Variants in LURAP1L observed in about 807,000 individuals in gnomAD.
LURAP1L encodes leucine rich adaptor protein 1 like, also known as leucine rich adaptor protein 1-like.
In LURAP1L, 12 loss-of-function variants were observed where a neutral mutation model predicts 13.8. The observed-to-expected ratio is 0.87, with a 90% CI of 0.56 to 1.41. LURAP1L has a LOEUF of 1.41. Ranked by LOEUF, LURAP1L falls within the 40% of genes most tolerant of loss-of-function variation. The pLI is 0.00. For synonymous variants in LURAP1L, 139 were observed against 119.2 expected (o/e 1.17, Z -1.08); for missense variants, 375 against 292.9 (o/e 1.28, Z -2.04).
chr9:12,777,010 G>A (rs2118449195), intron 1 of LURAP1L, among the ~76,000 whole-genome samples: 1 of 152,216 alleles, frequency 6.6e-6, no homozygotes, highest in East Asian at 1.9e-4. Context: ...TTGGAGATAA[G>A]GAAAGTTGCA....
chr9:12,797,993 A>T (rs1025492659), intron 1 of LURAP1L, among the ~76,000 whole-genome samples: 1 of 152,186 alleles, frequency 6.6e-6, no homozygotes, highest in Non-Finnish European at 1.5e-5. Context: ...GGTAATTTAG[A>T]TGCTAGTTCA....
intron 1 of LURAP1L, among the ~76,000 whole-genome samples, chr9:12,801,918 A>G (rs941134118): frequency 6.6e-6 from 1 of 152,160 alleles, no homozygotes; most frequent in Admixed American, 6.5e-5. Context: ...GAAAAATGGA[A>G]AGCATCCATG....
rs1407088747 is a variant in LURAP1L, at chr9:12,807,103, ATAT to A, written c.313-14282_313-14280del. On this transcript the variant is annotated intron_variant, in intron 1 of 1. Coordinates refer to ENST00000319264, the MANE Select transcript of LURAP1L (RefSeq NM_203403.2). ...GCCCTGTCTCTACTAAAATATATATATATATATATATATATTAGCCGGGCGTGG... is the reference window on the plus strand; with the variant it reads ...GCCCTGTCTCTACTAAAATATATATAATATATATATATTAGCCGGGCGTGG... 3.0e-3 allele frequency among the ~76,000 whole-genome samples: 411 copies of A among 137,168 alleles called. 7 individuals carry two copies. Among genetic ancestry groups the A allele is most frequent in the African/African-American group, 0.011 (395 of 37,320 alleles). 90.0% of individuals were successfully genotyped at this position (137,168 alleles called of 152,430 possible). A position where few individuals can be genotyped will look rare whatever the true frequency, so the allele number is the denominator to read the frequency against.
intron 1 of LURAP1L, among the ~76,000 whole-genome samples, chr9:12,795,376 G>C (rs549737548): frequency 6.6e-6 from 1 of 152,084 alleles, no homozygotes; most frequent in South Asian, 2.1e-4. Flanking sequence ...GTCAGTATTG[G>C]AGGAATACAT....
chr9:12,819,084 C>T (rs965489561), intron 1 of LURAP1L, among the ~76,000 whole-genome samples: 1 of 152,136 alleles, frequency 6.6e-6, no homozygotes, highest in Non-Finnish European at 1.5e-5. Context: ...CCTTCCTCAA[C>T]ATAAAGTCAT....
At chr9:12,818,808 T>C (rs1258447511) in intron 1 of LURAP1L, among the ~76,000 whole-genome samples, 1 of 152,100 alleles carries the variant, frequency 6.6e-6, no homozygotes, top group East Asian at 1.9e-4. Flanking sequence ...AATGCAGCCG[T>C]GATTTATTTG....
chr9:12,795,726 G>T (rs955353775), intron 1 of LURAP1L, among the ~76,000 whole-genome samples: 15 of 152,130 alleles, frequency 9.9e-5, no homozygotes, highest in East Asian at 5.8e-4. Context: ...AATGAAAGTC[G>T]TCTTGTATTT....
chr9:12,781,472 C>T (rs1285115012), intron 1 of LURAP1L, among the ~76,000 whole-genome samples: 1 of 152,152 alleles, frequency 6.6e-6, no homozygotes, highest in Non-Finnish European at 1.5e-5. Flanking sequence ...CAACTGTTTT[C>T]ATTTTTAGCT....
chr9:12,780,333 T>C lies in LURAP1L; in HGVS notation c.312+4306T>C, dbSNP rs115442725. On this transcript the variant is annotated intron_variant, in intron 1 of 1. Transcript: ENST00000319264. ...GTGGTTGAAAACACATCCATCTGAA[T>C]TGTGCTCATGTAAACTGCACTCATA... 8.5e-3 allele frequency among the ~76,000 whole-genome samples: 1,289 copies of C among 152,202 alleles called. 19 individuals are homozygous for C. The highest frequency in any genetic ancestry group is 0.029 in the African/African-American group (1,219 of 41,522).
At chr9:12,780,582 G>C (rs942463354) in intron 1 of LURAP1L, among the ~76,000 whole-genome samples, 8 of 152,166 alleles carry the variant, frequency 5.3e-5, no homozygotes, top group African/African-American at 1.4e-4. Flanking sequence ...GAACCACTGT[G>C]AGCCTGGCTA....
chr9:12,816,183 C>T (rs1030640668), intron 1 of LURAP1L, among the ~76,000 whole-genome samples: 1 of 152,136 alleles, frequency 6.6e-6, no homozygotes, highest in African/African-American at 2.4e-5. Context: ...ACATTAAATG[C>T]CTGAAATGTT....
In LURAP1L at chr9:12,776,132, G is replaced by A. The variant is rs1396663961; in HGVS notation, c.312+105G>A. The A allele has an allele frequency of 1.0e-5, 12 of 1,178,140 alleles. No individual in the cohort carries two copies. The South Asian group carries it at 1.5e-4, about 15-fold the overall frequency. 73.0% of individuals were successfully genotyped at this position (1,178,140 alleles called of 1,614,324 possible). A position where few individuals can be genotyped will look rare whatever the true frequency, so the allele number is the denominator to read the frequency against. On this transcript the variant is annotated intron_variant, in intron 1 of 1. Transcript: ENST00000319264. ...GAGAGGACGGCAGGGGCTGCAGAGC[G>A]GAGCGCTGGGCGCGTGGGAAATGCT...
At chr9:12,796,938 G>C (rs574189173) in intron 1 of LURAP1L, among the ~76,000 whole-genome samples, 2 of 151,612 alleles carry the variant, frequency 1.3e-5, no homozygotes, top group East Asian at 1.9e-4. Flanking sequence ...GGTGGGGGTG[G>C]GGGGAAGTAT....
At chr9:12,821,291 A>G (rs1174530797) in intron 1 of LURAP1L, 95 bp from the exon 2 acceptor site, 8 of 1,370,292 alleles carry the variant, frequency 5.8e-6, no homozygotes, top group Non-Finnish European at 5.9e-6. Flanking sequence ...TGTGAATTTA[A>G]AATTCTGAAC....
intron 1 of LURAP1L, among the ~76,000 whole-genome samples, chr9:12,776,731 C>G (rs1459890603): frequency 1.3e-5 from 2 of 152,114 alleles, no homozygotes; most frequent in Non-Finnish European, 2.9e-5. Flanking sequence ...CCATCTCCCA[C>G]CCTTCTCCCT....
chr9:12,777,341 C>T (rs1819201543), intron 1 of LURAP1L: 5 of 985,236 alleles, frequency 5.1e-6, no homozygotes, highest in African/African-American at 1.7e-5. Context: ...TGCCTGATAC[C>T]GTATCACAAA....
At chr9:12,792,160 G>C (rs997965949) in intron 1 of LURAP1L, among the ~76,000 whole-genome samples, 1 of 152,098 alleles carries the variant, frequency 6.6e-6, no homozygotes, top group Non-Finnish European at 1.5e-5. Context: ...ATATAAAATA[G>C]TAGCTGGGAG....
intron 1 of LURAP1L, among the ~76,000 whole-genome samples, chr9:12,815,010 G>A (rs553846222): frequency 3.2e-4 from 48 of 152,280 alleles, no homozygotes; most frequent in African/African-American, 1.2e-3. Flanking sequence ...ATAATTGTAG[G>A]CTTTTCACCT....
At chr9:12,782,333 G>A (rs1314388921) in intron 1 of LURAP1L, among the ~76,000 whole-genome samples, 1 of 152,162 alleles carries the variant, frequency 6.6e-6, no homozygotes, top group Non-Finnish European at 1.5e-5. Flanking sequence ...TCCTTGTCCA[G>A]AGCAATGTTA....
Sources: gnomAD v4.1 joint callset for allele counts (sites outside exome capture counted in the v4.1 genomes callset) on GRCh38, gnomAD v4.1.1 for gene constraint, MANE v1.5 for transcripts, NCBI Gene and HGNC (gene_info 2026-07-23, HGNC 2026-07-21) for gene names.